SPON1: variants seen among roughly 807,000 people sequenced by gnomAD.
The protein encoded by SPON1 is spondin 1.
SPON1 carries 52 observed loss-of-function variants against 111.7 expected under a neutral mutation model. The ratio of observed to expected loss-of-function variants is 0.47; its 90% CI spans 0.37 to 0.59. The LOEUF is 0.59. SPON1 is among the 20% of genes least tolerant of loss of function. The pLI is 0.00. For synonymous variants in SPON1, 410 were observed against 395.8 expected, an observed-to-expected ratio of 1.04 and a Z score of -0.43; for missense variants, 957 against 1,068.5, an observed-to-expected ratio of 0.90 and a Z score of 1.46.
chr11:14,085,222 G>T (rs782437771), intron 5 of SPON1, among the ~76,000 whole-genome samples: 5 of 152,124 alleles, frequency 3.3e-5, no homozygotes, highest in African/African-American at 1.2e-4. Flanking sequence ...CTTTGCCCAT[G>T]CTTATGTCCT....
At chr11:14,224,158 G>C (rs546854986) in intron 6 of SPON1, among the ~76,000 whole-genome samples, 1 of 152,304 alleles carries the variant, frequency 6.6e-6, no homozygotes, top group Non-Finnish European at 1.5e-5. Flanking sequence ...GGGGAAGAGG[G>C]ATAGAGAGAG....
chr11:14,235,821 C>G (rs1263747917), intron 6 of SPON1, among the ~76,000 whole-genome samples: 1 of 151,876 alleles, frequency 6.6e-6, no homozygotes, highest in East Asian at 1.9e-4. Flanking sequence ...CCATGGACAT[C>G]AAAGTCCTCA....
intron 2 of SPON1, among the ~76,000 whole-genome samples, chr11:13,991,990 C>T (rs1365781912): frequency 1.3e-5 from 2 of 152,192 alleles, no homozygotes; most frequent in African/African-American, 4.8e-5. Context: ...TATGAGATGT[C>T]TGTTGGTTCC....
intron 5 of SPON1, among the ~76,000 whole-genome samples, chr11:14,096,851 C>T (rs1849105514): frequency 6.6e-6 from 1 of 152,136 alleles, no homozygotes; most frequent in African/African-American, 2.4e-5. Flanking sequence ...GCCACTTTTT[C>T]AGAAATTGAT....
chr11:14,259,804 G>T lies in SPON1; in HGVS notation c.1831+103G>T. The stretch of plus-strand genomic sequence containing the variant: ...CATAAAGGTCGGAGGCTGAGCAGAG[G>T]AAAGCATGGCCCATGGTCCTTGCTG... On this transcript the variant is annotated intron_variant, in intron 13 of 15. Coordinates refer to ENST00000576479, the MANE Select transcript of SPON1 (RefSeq NM_006108.4). The surrounding 1 kb of genome is among the most constrained non-coding windows in gnomAD (Gnocchi z 5.0). The T allele has an allele frequency of 1.5e-6, 2 of 1,312,132 alleles. No individual in the cohort carries two copies. The highest frequency in any genetic ancestry group is 2.5e-4 in the Middle Eastern group (1 of 4,080). The allele number at this position is 1,312,132 out of a possible 1,614,324, so 81.3% of individuals were successfully genotyped here. A position where few individuals can be genotyped will look rare whatever the true frequency, so the allele number is the denominator to read the frequency against.
intron 5 of SPON1, among the ~76,000 whole-genome samples, chr11:14,129,709 A>G (rs371916857): frequency 4.6e-5 from 7 of 152,276 alleles, no homozygotes; most frequent in African/African-American, 1.7e-4. Context: ...AATTTTCTAT[A>G]TTAGTCCATT....
At chr11:14,001,053 CTAAT>C (rs1345478748) in intron 2 of SPON1, among the ~76,000 whole-genome samples, 1 of 152,164 alleles carries the variant, frequency 6.6e-6, no homozygotes, top group Non-Finnish European at 1.5e-5. Flanking sequence ...ATCAACAACT[CTAAT>C]TACTTCCATC....
At chr11:14,032,934 A>G (rs1848569659) in intron 2 of SPON1, among the ~76,000 whole-genome samples, 1 of 152,108 alleles carries the variant, frequency 6.6e-6, no homozygotes, top group Admixed American at 6.6e-5. Context: ...TACCCAGACC[A>G]GAAGCTGCTG....
At chr11:14,131,701 G>T (rs1173112949) in intron 5 of SPON1, among the ~76,000 whole-genome samples, 1 of 152,132 alleles carries the variant, frequency 6.6e-6, no homozygotes, top group Non-Finnish European at 1.5e-5. Context: ...ATTTCTTAAA[G>T]GGAAACTGAG....
chr11:14,178,755 TC>T (rs1848207529), intron 6 of SPON1, among the ~76,000 whole-genome samples: 1 of 152,258 alleles, frequency 6.6e-6, no homozygotes, highest in Non-Finnish European at 1.5e-5. Flanking sequence ...CGGCCCTGTT[TC>T]AAGTTATCTG....
intron 6 of SPON1, among the ~76,000 whole-genome samples, chr11:14,174,628 C>T (rs1389985884): frequency 1.3e-5 from 2 of 150,512 alleles, no homozygotes; most frequent in Admixed American, 6.6e-5. Context: ...ATCTTAGGGC[C>T]TCTCCTGTGT....
intron 6 of SPON1, among the ~76,000 whole-genome samples, chr11:14,223,074 G>A (rs1554937741): frequency 1.3e-5 from 2 of 152,200 alleles, no homozygotes. Flanking sequence ...ATTAAAAAGT[G>A]GAAAAGTGGG....
intron 6 of SPON1, among the ~76,000 whole-genome samples, chr11:14,233,176 C>T (rs1554938912): frequency 7.9e-5 from 12 of 152,196 alleles, no homozygotes; most frequent in Non-Finnish European, 7.3e-5. Context: ...TACCTTCCTA[C>T]ATGACACCTC....
intron 2 of SPON1, among the ~76,000 whole-genome samples, chr11:13,987,207 A>G (rs1298302279): frequency 1.3e-5 from 2 of 152,166 alleles, no homozygotes; most frequent in Non-Finnish European, 2.9e-5. Context: ...CTATTTCTCT[A>G]CATCCTCTCC....
At chr11:14,227,380 C>T (rs1273817475) in intron 6 of SPON1, among the ~76,000 whole-genome samples, 2 of 152,176 alleles carry the variant, frequency 1.3e-5, no homozygotes, top group Non-Finnish European at 2.9e-5. Flanking sequence ...TAGCTCTTCA[C>T]AGTTTTCTAT....
chr11:14,233,992 TCAGGTGATC>T (rs1848833910), intron 6 of SPON1, among the ~76,000 whole-genome samples: 1 of 152,164 alleles, frequency 6.6e-6, no homozygotes, highest in Admixed American at 6.5e-5. Context: ...ACTCCTGACC[TCAGGTGATC>T]CATCAACCTT....
intron 6 of SPON1, among the ~76,000 whole-genome samples, chr11:14,207,848 A>C (rs1247919060): frequency 6.6e-6 from 1 of 152,250 alleles, no homozygotes; most frequent in Non-Finnish European, 1.5e-5. Flanking sequence ...CAATCCCATT[A>C]CTGGGTATAT....
intron 6 of SPON1, among the ~76,000 whole-genome samples, chr11:14,137,970 TTTTTG>T (rs1398903081): frequency 2.0e-5 from 3 of 152,218 alleles, no homozygotes; most frequent in Non-Finnish European, 4.4e-5. Flanking sequence ...TTGATTTATT[TTTTTG>T]TAAGTCAGGT....
At chr11:14,260,781 C>A in intron 14 of SPON1, 29 bp downstream of exon 14, 1 of 1,603,898 alleles carries the variant, frequency 6.2e-7, no homozygotes, top group Non-Finnish European at 8.5e-7. Flanking sequence ...CAAGGCCCAT[C>A]ACTTCTATGT....
Sources: allele counts gnomAD v4.1 joint callset (sites outside exome capture counted in the v4.1 genomes callset), GRCh38; gene constraint gnomAD v4.1.1; non-coding constraint Gnocchi (gnomAD v3.1); transcripts MANE v1.5; gene names NCBI Gene and HGNC (gene_info 2026-07-23, HGNC 2026-07-21).